Variants in ZFYVE9 observed in about 807,000 individuals in gnomAD.
ZFYVE9 encodes the protein zinc finger FYVE domain-containing protein 9.
Under a neutral mutation model 126.7 loss-of-function variants are expected in ZFYVE9, and 43 were observed. That is an observed-to-expected ratio of 0.34 (90% CI 0.27 to 0.44). The LOEUF is 0.44. Ranked by LOEUF, ZFYVE9 falls within the 20% of genes least tolerant of loss-of-function variation. ZFYVE9 has a pLI of 1.00. For missense variants in ZFYVE9, 1,476 were observed against 1,697.0 expected (o/e 0.87, Z 2.29); for synonymous variants, 521 against 597.4 (o/e 0.87, Z 1.87).
chr1:52,152,492 T>C (rs1043743399), intron 1 of ZFYVE9, among the ~76,000 whole-genome samples: 1 of 152,260 alleles, frequency 6.6e-6, no homozygotes, highest in Non-Finnish European at 1.5e-5. Context: ...ATATTAGCAG[T>C]ATTATTTCTT....
intron 1 of ZFYVE9, among the ~76,000 whole-genome samples, chr1:52,187,659 C>CA (rs1446606558): frequency 6.6e-6 from 1 of 152,156 alleles, no homozygotes; most frequent in Non-Finnish European, 1.5e-5. Flanking sequence ...GAACACTTTT[C>CA]AAAAGAAGAC....
intron 13 of ZFYVE9, among the ~76,000 whole-genome samples, chr1:52,307,570 C>G (rs551106670): frequency 5.3e-5 from 8 of 152,174 alleles, no homozygotes; most frequent in South Asian, 4.2e-4. Flanking sequence ...TGGACACTTT[C>G]ACAACAATAG....
chr1:52,195,884 A>T (rs911860128), intron 1 of ZFYVE9, among the ~76,000 whole-genome samples: 5 of 151,290 alleles, frequency 3.3e-5, no homozygotes, highest in Non-Finnish European at 5.9e-5. Context: ...CCTCCGCATC[A>T]TGGGTTCAAG....
intron 2 of ZFYVE9, among the ~76,000 whole-genome samples, chr1:52,231,877 T>C (rs1481526199): frequency 6.6e-6 from 1 of 152,124 alleles, no homozygotes; most frequent in African/African-American, 2.4e-5. Flanking sequence ...TCTACCCACG[T>C]TGGCCTTGCA....
intron 1 of ZFYVE9, among the ~76,000 whole-genome samples, chr1:52,177,504 A>T (rs754812564): frequency 4.6e-5 from 7 of 152,148 alleles, no homozygotes; most frequent in African/African-American, 1.7e-4. Flanking sequence ...TACATGACCC[A>T]TGTACTCTCT....
In ZFYVE9 at chr1:52,238,351, C is replaced by A; in HGVS notation, c.934C>A (p.His312Asn). 6.2e-7 allele frequency: 1 copy of A among 1,613,718 alleles called. No homozygotes were observed. Among genetic ancestry groups the A allele is most frequent in the Non-Finnish European group, 8.5e-7 (1 of 1,179,962 alleles). Residue 312 changes from histidine (H) to asparagine (N), a missense_variant, in exon 4 of 19, where the codon CAC becomes AAC. Around this residue, in one of 2 missense-constraint regions of ZFYVE9, gnomAD observed 807 missense variants for 794.6 expected, o/e 1.02. Coordinates refer to ENST00000287727, the MANE Select transcript of ZFYVE9 (RefSeq NM_004799.4). ...TDLGSPNSFS[H>N]MSEGILMKKE... is the part of the protein sequence containing the mutation. ...TCTAGGGAGTCCAAATTCCTTTTCC[C>A]ACATGAGTGAGGGGATTTTGATGAA...
At chr1:52,172,587 T>C (rs1039838385) in intron 1 of ZFYVE9, among the ~76,000 whole-genome samples, 13 of 152,210 alleles carry the variant, frequency 8.5e-5, no homozygotes, top group African/African-American at 3.1e-4. Flanking sequence ...TAAATTACCT[T>C]GGGCAGTATG....
intron 1 of ZFYVE9, among the ~76,000 whole-genome samples, chr1:52,179,452 T>C (rs1319525822): frequency 2.0e-5 from 3 of 151,674 alleles, no homozygotes. Flanking sequence ...CTGGCTAACG[T>C]TGTGAAACCT....
At chr1:52,148,892 G>T (rs867267924) in intron 1 of ZFYVE9, among the ~76,000 whole-genome samples, 36 of 148,504 alleles carry the variant, frequency 2.4e-4, no homozygotes, top group African/African-American at 9.0e-4. Context: ...GCCTGCCTTG[G>T]CCTCCCAAAG....
intron 10 of ZFYVE9, among the ~76,000 whole-genome samples, chr1:52,289,282 A>G (rs2147825183): frequency 6.6e-6 from 1 of 152,166 alleles, no homozygotes; most frequent in East Asian, 1.9e-4. Flanking sequence ...TCGTCTTTTC[A>G]GAGTTACTTC....
intron 10 of ZFYVE9, among the ~76,000 whole-genome samples, chr1:52,289,301 C>T (rs1645895043): frequency 6.6e-6 from 1 of 152,162 alleles, no homozygotes; most frequent in South Asian, 2.1e-4. Context: ...TCACCTCTAC[C>T]TCTAAGCTTC....
intron 1 of ZFYVE9, among the ~76,000 whole-genome samples, chr1:52,205,227 A>G (rs1644966706): frequency 1.3e-5 from 2 of 151,298 alleles, no homozygotes; most frequent in Non-Finnish European, 2.9e-5. Context: ...GCCGTGCACC[A>G]CCACACCTGG....
At chr1:52,281,372 A>T (rs1645803012) in intron 9 of ZFYVE9, among the ~76,000 whole-genome samples, 1 of 152,006 alleles carries the variant, frequency 6.6e-6, no homozygotes, top group Non-Finnish European at 1.5e-5. Flanking sequence ...TGACCTCATG[A>T]TCCACCCGCC....
chr1:52,258,026 C>T (rs1027265879), intron 4 of ZFYVE9, among the ~76,000 whole-genome samples: 1 of 152,180 alleles, frequency 6.6e-6, no homozygotes, highest in Non-Finnish European at 1.5e-5. Flanking sequence ...TGCACCTAGT[C>T]CCAGTCATAC....
chr1:52,179,971 C>T, intron 1 of ZFYVE9: 1 of 987,748 alleles, frequency 1.0e-6, no homozygotes, highest in Non-Finnish European at 1.6e-6. Context: ...TCAGTCGTGA[C>T]AACATAGGAA....
At chr1:52,172,460 C>G (rs1162693099) in intron 1 of ZFYVE9, among the ~76,000 whole-genome samples, 1 of 152,128 alleles carries the variant, frequency 6.6e-6, no homozygotes, top group African/African-American at 2.4e-5. Flanking sequence ...GTTCTTTTGG[C>G]TTAGGATTGA....
intron 13 of ZFYVE9, among the ~76,000 whole-genome samples, chr1:52,306,391 C>T (rs774220766): frequency 6.6e-6 from 1 of 152,138 alleles, no homozygotes; most frequent in Non-Finnish European, 1.5e-5. Flanking sequence ...GCTGAATACT[C>T]GATTTGACAA....
chr1:52,244,051 A>C (rs746779475), intron 4 of ZFYVE9, among the ~76,000 whole-genome samples: 4 of 152,190 alleles, frequency 2.6e-5, no homozygotes, highest in African/African-American at 4.8e-5. Context: ...TGTCAGTAAG[A>C]TATGGACAGG....
intron 12 of ZFYVE9, among the ~76,000 whole-genome samples, chr1:52,299,419 T>A (rs1177815741): frequency 1.3e-5 from 2 of 152,222 alleles, no homozygotes; most frequent in Non-Finnish European, 2.9e-5. Context: ...CTTGCCTAAG[T>A]GCTCTGGCTA....
Sources: allele counts gnomAD v4.1 joint callset (sites outside exome capture counted in the v4.1 genomes callset), GRCh38; gene constraint gnomAD v4.1.1; regional missense constraint gnomAD v4.1.1; transcripts MANE v1.5; gene names NCBI Gene and HGNC (gene_info 2026-07-23, HGNC 2026-07-21).